RYR2: variants seen among roughly 807,000 people sequenced by gnomAD.
RYR2 encodes the protein ryanodine receptor 2, also known as cardiac muscle ryanodine receptor-calcium release channel.
In RYR2, 227 loss-of-function variants were observed where a neutral mutation model predicts 601.1. That is an observed-to-expected ratio of 0.38 (90% CI 0.34 to 0.42). RYR2 has a LOEUF of 0.42. Ranked by LOEUF, RYR2 falls within the 10% of genes least tolerant of loss-of-function variation. The probability of loss-of-function intolerance (pLI) is 1.00; values close to 1 mark genes in which losing one functional copy is unlikely to be tolerated. For missense variants in RYR2, 4,646 were observed against 6,156.5 expected (o/e 0.75, Z 8.21); for synonymous variants, 2,223 against 2,175.1 (o/e 1.02, Z -0.61).
chr1:237,338,023 A>G (rs1021320176), intron 3 of RYR2, among the ~76,000 whole-genome samples: 2 of 152,116 alleles, frequency 1.3e-5, no homozygotes, highest in South Asian at 2.1e-4. Flanking sequence ...TCTAGCCTGC[A>G]TTCTTGGCTT....
At chr1:237,637,528 A>G (rs528668119) in intron 44 of RYR2, among the ~76,000 whole-genome samples, 1 of 152,334 alleles carries the variant, frequency 6.6e-6, no homozygotes, top group African/African-American at 2.4e-5. Flanking sequence ...TAACTGCTCA[A>G]AATAAGGTGT....
chr1:237,798,608 A>T (rs937933444), intron 97 of RYR2, among the ~76,000 whole-genome samples: 1 of 152,174 alleles, frequency 6.6e-6, no homozygotes, highest in African/African-American at 2.4e-5. Flanking sequence ...TTACTTTACT[A>T]TAAGTATTGT....
chr1:237,083,673 A>G (rs945612319), intron 1 of RYR2, among the ~76,000 whole-genome samples: 2 of 152,148 alleles, frequency 1.3e-5, no homozygotes, highest in Admixed American at 1.3e-4. Flanking sequence ...AACAAAGCAA[A>G]GTGCCCTTTA....
chr1:237,381,874 T>C (rs1171523200), intron 8 of RYR2, among the ~76,000 whole-genome samples: 1 of 152,232 alleles, frequency 6.6e-6, no homozygotes, highest in African/African-American at 2.4e-5. Flanking sequence ...TAAAAGGATA[T>C]GTTAATCTTC....
chr1:237,461,774 T>C (rs1342138840), intron 16 of RYR2, among the ~76,000 whole-genome samples: 1 of 151,838 alleles, frequency 6.6e-6, no homozygotes, highest in African/African-American at 2.4e-5. Context: ...GAAGAGAATC[T>C]CTTCCCATAA....
chr1:237,642,551 A>G (rs2148752719), intron 47 of RYR2, among the ~76,000 whole-genome samples: 1 of 152,352 alleles, frequency 6.6e-6, no homozygotes, highest in Middle Eastern at 3.4e-3. Context: ...TAATGGGGGA[A>G]AACTAAGTGA....
intron 1 of RYR2, among the ~76,000 whole-genome samples, chr1:237,060,724 C>G (rs191809422): frequency 7.2e-5 from 11 of 152,290 alleles, no homozygotes; most frequent in Admixed American, 4.6e-4. Context: ...AGAGATGCAT[C>G]CATGTTGTAG....
chr1:237,794,132 A>G, intron 95 of RYR2, 135 bp downstream of exon 95: 1 of 736,256 alleles, frequency 1.4e-6, no homozygotes, highest in Non-Finnish European at 2.2e-6. Flanking sequence ...AGAAAAATCT[A>G]AAGACTCAGT....
At chr1:237,346,367 CAAAA>C (rs397975831) in intron 3 of RYR2, among the ~76,000 whole-genome samples, 1 of 62,338 alleles carries the variant, frequency 1.6e-5, no homozygotes, top group Admixed American at 1.9e-4. Flanking sequence ...GGGTCTACCT[CAAAA>C]AAAAAAAAAA....
In RYR2 at chr1:237,180,184, T is replaced by C. The variant is rs2148947359; in HGVS notation, c.49-90313T>C. On this transcript the variant is annotated intron_variant, in intron 1 of 104. Coordinates refer to ENST00000366574, the MANE Select transcript of RYR2 (RefSeq NM_001035.3). The surrounding 1 kb of genome is among the most constrained non-coding windows in gnomAD (Gnocchi z 5.3). Reference sequence around the variant, plus strand: ...AATGGCCTGATGGGAAATGCTGCATTTGGTCCCCAGGTCAGGAAGGCGAGG... The same window carrying C: ...AATGGCCTGATGGGAAATGCTGCATCTGGTCCCCAGGTCAGGAAGGCGAGG... 1.3e-5 allele frequency among the ~76,000 whole-genome samples: 2 copies of C among 151,084 alleles called. No individual in the cohort carries two copies. The highest frequency in any genetic ancestry group is 4.1e-4 in the South Asian group (2 of 4,828).
At position 237,638,339 on chromosome 1, in the gene RYR2, T is replaced by A. The variant is rs1558114614; in HGVS notation, c.6793-18T>A. The A allele has an allele frequency of 6.8e-6, 11 of 1,613,724 alleles. No individual in the cohort carries two copies. Among genetic ancestry groups the A allele is most frequent in the Non-Finnish European group, 9.3e-6 (11 of 1,179,768 alleles). ...TTTCAGCCAAGGGATAACTCTTTGT[T>A]AATCATGTTGTTTGCAGGTAGTTCG... On this transcript the variant is annotated intron_variant, in intron 44 of 104. Transcript: ENST00000366574.
chr1:237,455,130 T>C (rs1658654595), intron 15 of RYR2, among the ~76,000 whole-genome samples: 1 of 152,130 alleles, frequency 6.6e-6, no homozygotes, highest in South Asian at 2.1e-4. Flanking sequence ...CCCCAAAAGT[T>C]TCACTGCTAA....
At chr1:237,301,895 A>C (rs1428770952) in intron 2 of RYR2, among the ~76,000 whole-genome samples, 2 of 152,176 alleles carry the variant, frequency 1.3e-5, no homozygotes, top group African/African-American at 4.8e-5. Flanking sequence ...TCCAGAGTTA[A>C]AGTGCGTGTG....
chr1:237,806,319 TA>T (rs770895024), intron 99 of RYR2, 36 bp downstream of exon 99: 4 of 1,570,024 alleles, frequency 2.5e-6, no homozygotes, highest in Non-Finnish European at 1.7e-6. Context: ...TTGCAGAAAA[TA>T]AAAAAGCAAC....
chr1:237,549,332 T>C (rs1181493532), intron 26 of RYR2, among the ~76,000 whole-genome samples: 1 of 152,076 alleles, frequency 6.6e-6, no homozygotes, highest in South Asian at 2.1e-4. Context: ...CCCAGCACTT[T>C]GGGAGGCTAA....
chr1:237,285,762 A>AT (rs1399382215), intron 2 of RYR2, among the ~76,000 whole-genome samples: 31 of 151,908 alleles, frequency 2.0e-4, no homozygotes, highest in Non-Finnish European at 4.3e-4. Context: ...GGAGGGTTGT[A>AT]TTTTTCCAGG....
chr1:237,105,079 C>T (rs73115915), intron 1 of RYR2, among the ~76,000 whole-genome samples: 1,967 of 152,308 alleles, frequency 0.013, 31 homozygotes, highest in African/African-American at 0.039. Flanking sequence ...GAGTCCTCCC[C>T]CTTCCTGACA....
At chr1:237,239,623 A>G (rs1685940304) in intron 1 of RYR2, among the ~76,000 whole-genome samples, 1 of 152,204 alleles carries the variant, frequency 6.6e-6, no homozygotes, top group African/African-American at 2.4e-5. Flanking sequence ...ATACCTGGCT[A>G]TCTATGTTTG....
chr1:237,637,178 T>C (rs1477710959), intron 44 of RYR2, among the ~76,000 whole-genome samples: 1 of 152,232 alleles, frequency 6.6e-6, no homozygotes, highest in Non-Finnish European at 1.5e-5. Context: ...TATTGCACAT[T>C]GGTTCTCTTG....
Sources: allele counts gnomAD v4.1 joint callset (sites outside exome capture counted in the v4.1 genomes callset), GRCh38; gene constraint gnomAD v4.1.1; non-coding constraint Gnocchi (gnomAD v3.1); transcripts MANE v1.5; gene names NCBI Gene and HGNC (gene_info 2026-07-23, HGNC 2026-07-21).